CNTN5: variants seen among roughly 807,000 people sequenced by gnomAD.
CNTN5 encodes the protein contactin-5.
A neutral mutation model predicts 129.1 loss-of-function variants in CNTN5; 77 were observed. The ratio of observed to expected loss-of-function variants is 0.60; its 90% CI spans 0.50 to 0.72. The LOEUF (loss-of-function observed/expected upper bound fraction) is 0.72. Among genes scored for constraint, CNTN5 ranks in the 30% least tolerant of loss-of-function variants. CNTN5 has a pLI of 0.00. For synonymous variants in CNTN5, 509 were observed against 465.6 expected (o/e 1.09, Z -1.20); for missense variants, 1,478 against 1,328.8 (o/e 1.11, Z -1.75).
chr11:99,346,174 TA>T (rs1271765116), intron 2 of CNTN5, among the ~76,000 whole-genome samples: 1 of 152,192 alleles, frequency 6.6e-6, no homozygotes, highest in East Asian at 1.9e-4. Flanking sequence ...TGCCTCTAAA[TA>T]TTGACTTCCA....
intron 6 of CNTN5, among the ~76,000 whole-genome samples, chr11:99,907,601 C>T (rs928724962): frequency 6.6e-6 from 1 of 151,296 alleles, no homozygotes; most frequent in Admixed American, 6.6e-5. Context: ...AAAAATATAT[C>T]TTTTATTATA....
At chr11:100,046,606 C>G (rs1439250395) in intron 9 of CNTN5, among the ~76,000 whole-genome samples, 2 of 151,478 alleles carry the variant, frequency 1.3e-5, no homozygotes, top group African/African-American at 4.9e-5. Context: ...TTTATTTTAT[C>G]TAATAAATAA....
At chr11:99,734,748 C>T (rs1943645562) in intron 3 of CNTN5, among the ~76,000 whole-genome samples, 1 of 148,792 alleles carries the variant, frequency 6.7e-6, no homozygotes, top group South Asian at 2.1e-4. Context: ...AGGGAATAAT[C>T]CCTAATTCCT....
intron 2 of CNTN5, among the ~76,000 whole-genome samples, chr11:99,338,925 T>TATATATATATATATATATATATCTGTG (rs1565502373): frequency 6.1e-5 from 6 of 97,582 alleles, no homozygotes; most frequent in African/African-American, 1.9e-4. Flanking sequence ...CACAGATATA[T>TATATATATATATATATATATATCTGTG]ATATATATAT....
At chr11:99,715,381 C>G (rs1187439794) in intron 3 of CNTN5, among the ~76,000 whole-genome samples, 1 of 151,488 alleles carries the variant, frequency 6.6e-6, no homozygotes, top group African/African-American at 2.4e-5. Context: ...GAATCTAGAG[C>G]CTTCCAGTAC....
intron 13 of CNTN5, among the ~76,000 whole-genome samples, chr11:100,169,783 T>A (rs763541196): frequency 2.0e-5 from 3 of 152,034 alleles, no homozygotes; most frequent in Non-Finnish European, 4.4e-5. Context: ...AGCTGAGATT[T>A]AAGTTGTCTA....
intron 1 of CNTN5, among the ~76,000 whole-genome samples, chr11:99,269,325 T>C (rs921256711): frequency 2.6e-5 from 4 of 151,790 alleles, no homozygotes; most frequent in Non-Finnish European, 5.9e-5. Flanking sequence ...GATATATACA[T>C]GACATATTTT....
At chr11:100,159,881 G>GT (rs554837425) in intron 13 of CNTN5, among the ~76,000 whole-genome samples, 9 of 151,746 alleles carry the variant, frequency 5.9e-5, no homozygotes, top group Non-Finnish European at 1.2e-4. Flanking sequence ...TTCAGGCAGT[G>GT]TTTTTTTAAG....
At chr11:100,305,975 A>T (rs893060867) in intron 20 of CNTN5, among the ~76,000 whole-genome samples, 3 of 151,374 alleles carry the variant, frequency 2.0e-5, no homozygotes, top group African/African-American at 4.9e-5. Context: ...TTACAAAAAA[A>T]ATCTCGTAAC....
chr11:99,162,093 T>A (rs914796674), intron 1 of CNTN5, among the ~76,000 whole-genome samples: 9 of 152,050 alleles, frequency 5.9e-5, no homozygotes, highest in African/African-American at 9.6e-5. Flanking sequence ...TAGAACCTCC[T>A]TTTTTTTTCC....
chr11:99,566,578 G>C (rs1949013032), intron 3 of CNTN5, among the ~76,000 whole-genome samples: 1 of 152,086 alleles, frequency 6.6e-6, no homozygotes, highest in African/African-American at 2.4e-5. Flanking sequence ...AAAAATATAG[G>C]TAAGAAATGA....
chr11:99,649,615 A>T (rs1952083436), intron 3 of CNTN5, among the ~76,000 whole-genome samples: 1 of 151,792 alleles, frequency 6.6e-6, no homozygotes, highest in African/African-American at 2.4e-5. Context: ...GAATATGAAG[A>T]CCTACAATAT....
chr11:100,110,006 T>C (rs976180806), intron 13 of CNTN5, among the ~76,000 whole-genome samples: 2 of 151,886 alleles, frequency 1.3e-5, no homozygotes, highest in Non-Finnish European at 2.9e-5. Context: ...GGTGAAACCC[T>C]GTCTCTACCA....
At chr11:99,557,698 GTATGA>G (rs990119250) in intron 3 of CNTN5, among the ~76,000 whole-genome samples, 83 of 151,544 alleles carry the variant, frequency 5.5e-4, no homozygotes, top group African/African-American at 1.6e-3. Flanking sequence ...CTTCAATTAT[GTATGA>G]TATATGAGTC....
intron 2 of CNTN5, among the ~76,000 whole-genome samples, chr11:99,511,296 A>C (rs189311303): frequency 0.04 from 6,081 of 152,038 alleles, 162 homozygotes; most frequent in South Asian, 0.079. Context: ...TCATTTCGTT[A>C]CGTACCCAGT....
rs1228334444 is a variant in CNTN5 at position 99,432,474 on chromosome 11, T to TCTTTTCTTTC, written c.-71+106999_-71+107000insCCTTTTCTTT. ...TCTTTTCTTTTCTTTCCTTTTCTTT[T>TCTTTTCTTTC]CTTTTCTTTTCTTTTCTTTTCTTTC... On this transcript the variant is annotated intron_variant, in intron 2 of 24. Coordinates refer to ENST00000524871, the MANE Select transcript of CNTN5 (RefSeq NM_014361.4). Among the ~76,000 whole-genome samples, 620 of 138,116 alleles carry TCTTTTCTTTC rather than the reference T, an allele frequency of 4.5e-3. 4 individuals carry two copies. The highest frequency in any genetic ancestry group is 0.014 in the African/African-American group (510 of 37,522). The allele number at this position is 138,116 out of a possible 152,430, so 90.6% of individuals were successfully genotyped here.
At chr11:99,630,818 C>T (rs959437682) in intron 3 of CNTN5, among the ~76,000 whole-genome samples, 2 of 152,126 alleles carry the variant, frequency 1.3e-5, no homozygotes, top group Non-Finnish European at 2.9e-5. Context: ...GCTTTTATTG[C>T]ACCCTTGTGG....
At chr11:99,703,787 A>G (rs1954632882) in intron 3 of CNTN5, among the ~76,000 whole-genome samples, 1 of 151,054 alleles carries the variant, frequency 6.6e-6, no homozygotes, top group Non-Finnish European at 1.5e-5. Flanking sequence ...TAACACAGAT[A>G]TATAGCATTT....
intron 3 of CNTN5, among the ~76,000 whole-genome samples, chr11:99,801,051 T>C (rs985925805): frequency 1.3e-5 from 2 of 152,170 alleles, no homozygotes; most frequent in East Asian, 3.9e-4. Context: ...GCTTCTGCAG[T>C]AGCAAGTATG....
Sources: gnomAD v4.1 joint callset for allele counts (sites outside exome capture counted in the v4.1 genomes callset) on GRCh38, gnomAD v4.1.1 for gene constraint, MANE v1.5 for transcripts, NCBI Gene and HGNC (gene_info 2026-07-23, HGNC 2026-07-21) for gene names.